The following SCNN1B variants were observed in gnomAD, a reference collection of about 807,000 sequenced individuals.
SCNN1B encodes the protein epithelial sodium channel subunit beta.
SCNN1B carries 46 observed loss-of-function variants against 65.3 expected under a neutral mutation model. That is an observed-to-expected ratio of 0.70 (90% CI 0.56 to 0.90). SCNN1B has a LOEUF of 0.90. Among genes scored for constraint, SCNN1B ranks in the 40% least tolerant of loss-of-function variants. SCNN1B has a pLI of 0.00. For missense variants in SCNN1B, 751 were observed against 830.5 expected (o/e 0.90, Z 1.18); for synonymous variants, 349 against 330.6 (o/e 1.06, Z -0.60).
chr16:23,289,124 C>G (rs1008201895), intron 2 of SCNN1B, among the ~76,000 whole-genome samples: 1 of 152,218 alleles, frequency 6.6e-6, no homozygotes, highest in Non-Finnish European at 1.5e-5. Context: ...TTGACACCAG[C>G]AGGCGGAATC....
chr16:23,360,069 G>T (rs2142027336), intron 4 of SCNN1B, among the ~76,000 whole-genome samples: 1 of 152,152 alleles, frequency 6.6e-6, no homozygotes, highest in South Asian at 2.1e-4. Context: ...TGGGTGCAGT[G>T]GCTCACGCCT....
At chr16:23,288,571 A>G (rs1960883182) in intron 2 of SCNN1B, among the ~76,000 whole-genome samples, 1 of 152,170 alleles carries the variant, frequency 6.6e-6, no homozygotes, top group African/African-American at 2.4e-5. Flanking sequence ...TGGGAGGCCA[A>G]GGTGGGAGGA....
chr16:23,346,576 A>C (rs1962193357), intron 1 of SCNN1B, among the ~76,000 whole-genome samples: 1 of 152,030 alleles, frequency 6.6e-6, no homozygotes, highest in Admixed American at 6.6e-5. Context: ...ATGCCTCCAA[A>C]GGTTCCAGTT....
At position 23,348,875 on chromosome 16, in the gene SCNN1B, C is replaced by A; in HGVS notation, c.276C>A (p.Phe92Leu). Reference sequence around the variant, plus strand: ...CCGTAGGCTTCAAGACCATGGACTTCCCTGCCGTCACCATCTGCAATGCTA... The same window carrying A: ...CCGTAGGCTTCAAGACCATGGACTTACCTGCCGTCACCATCTGCAATGCTA... The part of the protein sequence containing the change: ...SLSVGFKTMD[F>L]PAVTICNASP... The change falls in exon 2 of 13, where the codon TTC becomes TTA. Residue 92 changes from phenylalanine (F) to leucine (L), a missense_variant. By Grantham distance (22) the Phe-to-Leu change is conservative (BLOSUM62 0). Coordinates refer to ENST00000343070, the MANE Select transcript of SCNN1B (RefSeq NM_000336.3). The surrounding 1 kb of genome is among the most constrained non-coding windows in gnomAD (Gnocchi z 4.5). 1 of 1,614,128 alleles carries A rather than the reference C, an allele frequency of 6.2e-7. No individual in the cohort carries two copies. The highest frequency in any genetic ancestry group is 1.1e-5 in the South Asian group (1 of 91,074).
intron 1 of SCNN1B, among the ~76,000 whole-genome samples, chr16:23,313,081 T>A (rs1446282678): frequency 6.6e-6 from 1 of 152,206 alleles, no homozygotes; most frequent in Non-Finnish European, 1.5e-5. Context: ...AAAGGTTTTA[T>A]GTGTTTTGTT....
chr16:23,302,973 C>T (rs1016338451), intron 1 of SCNN1B, among the ~76,000 whole-genome samples: 1 of 152,118 alleles, frequency 6.6e-6, no homozygotes, highest in African/African-American at 2.4e-5. Context: ...GATTTGAACC[C>T]AGGCAGTCCG....
intron 1 of SCNN1B, among the ~76,000 whole-genome samples, chr16:23,305,879 CAGCTAAT>C (rs1961206934): frequency 6.6e-6 from 1 of 151,990 alleles, no homozygotes; most frequent in Non-Finnish European, 1.5e-5. Context: ...TCATAAAGAG[CAGCTAAT>C]ATAAAAGGTA....
chr16:23,357,404 G>A (rs1429135262), intron 4 of SCNN1B, among the ~76,000 whole-genome samples: 4 of 152,228 alleles, frequency 2.6e-5, no homozygotes, highest in African/African-American at 7.2e-5. Context: ...CCAACATGGC[G>A]AAACCTTGTC....
At chr16:23,369,764 G>A (rs181545611) in intron 5 of SCNN1B, among the ~76,000 whole-genome samples, 2 of 152,218 alleles carry the variant, frequency 1.3e-5, no homozygotes, top group Non-Finnish European at 1.5e-5. Flanking sequence ...GATGGTTATA[G>A]TCAGGGAGCC....
chr16:23,364,430 C>T (rs1345705311), intron 4 of SCNN1B, among the ~76,000 whole-genome samples: 1 of 152,190 alleles, frequency 6.6e-6, no homozygotes, highest in South Asian at 2.1e-4. Flanking sequence ...TCTAGAGTGT[C>T]GCTGGAGTGT....
intron 1 of SCNN1B, among the ~76,000 whole-genome samples, chr16:23,344,693 A>G (rs975781449): frequency 6.6e-6 from 1 of 152,096 alleles, no homozygotes; most frequent in African/African-American, 2.4e-5. Context: ...TTTAATTCCT[A>G]TCAGAGAATG....
intron 1 of SCNN1B, among the ~76,000 whole-genome samples, chr16:23,331,476 C>G (rs899026654): frequency 6.6e-6 from 1 of 152,006 alleles, no homozygotes; most frequent in Non-Finnish European, 1.5e-5. Context: ...AAGTACCCAC[C>G]ACCAGGTCCA....
chr16:23,301,118 C>A (rs1007889720), upstream of SCNN1B, among the ~76,000 whole-genome samples: 2 of 151,874 alleles, frequency 1.3e-5, no homozygotes, highest in African/African-American at 4.8e-5. Context: ...AATCCCAACA[C>A]TTTGGGAGCC....
At chr16:23,331,118 AG>A (rs1359436951) in intron 1 of SCNN1B, among the ~76,000 whole-genome samples, 1 of 152,130 alleles carries the variant, frequency 6.6e-6, no homozygotes, top group African/African-American at 2.4e-5. Flanking sequence ...AGCCCACAGG[AG>A]GGCAGGGCTG....
At chr16:23,305,557 TATATATATATATATATATA>T (rs1961188576) in intron 1 of SCNN1B, among the ~76,000 whole-genome samples, 2 of 58,732 alleles carry the variant, frequency 3.4e-5, no homozygotes, top group African/African-American at 2.4e-4. Flanking sequence ...TATATATATA[TATATATATATATATATATA>T]TTATATATAT....
chr16:23,286,951 T>TTTGTTG (rs565907237), intron 2 of SCNN1B, among the ~76,000 whole-genome samples: 43 of 151,930 alleles, frequency 2.8e-4, no homozygotes, highest in Non-Finnish European at 4.4e-4. Flanking sequence ...TATTTAGTTT[T>TTTGTTG]TTGTTGTTGT....
chr16:23,328,490 A>G (rs774665740), intron 1 of SCNN1B, among the ~76,000 whole-genome samples: 1 of 152,244 alleles, frequency 6.6e-6, no homozygotes, highest in Non-Finnish European at 1.5e-5. Context: ...CCCTGAGAAT[A>G]GAAAGACAGC....
At chr16:23,354,715 C>T (rs1295867834) in intron 3 of SCNN1B, among the ~76,000 whole-genome samples, 1 of 152,062 alleles carries the variant, frequency 6.6e-6, no homozygotes. Flanking sequence ...TGTGTGTGTG[C>T]GTGCGTGTGT....
intron 1 of SCNN1B, among the ~76,000 whole-genome samples, chr16:23,340,835 C>T (rs1378319742): frequency 6.6e-6 from 1 of 152,164 alleles, no homozygotes; most frequent in Non-Finnish European, 1.5e-5. Flanking sequence ...GTGTTGATAT[C>T]ACATAGAAAT....
Sources: gnomAD v4.1 joint callset for allele counts (sites outside exome capture counted in the v4.1 genomes callset) on GRCh38, gnomAD v4.1.1 for gene constraint, Gnocchi (gnomAD v3.1) non-coding constraint, MANE v1.5 for transcripts, NCBI Gene and HGNC (gene_info 2026-07-23, HGNC 2026-07-21) for gene names.